Variants in UGT1A5 observed in about 807,000 individuals in gnomAD.
UGT1A5 encodes UDP-glucuronosyltransferase 1A5.
A neutral mutation model predicts 40.3 loss-of-function variants in UGT1A5; 29 were observed. That is an observed-to-expected ratio of 0.72 (90% CI 0.54 to 0.98). UGT1A5 has a LOEUF of 0.98. UGT1A5 is among the 50% of genes least tolerant of loss of function. The pLI, the probability that UGT1A5 is intolerant of heterozygous loss-of-function variation, is 0.00. For synonymous variants in UGT1A5, 257 were observed against 262.5 expected (o/e 0.98, Z 0.20); for missense variants, 678 against 677.9 (o/e 1.00, Z 0.00).
At chr2:233,737,925 G>A (rs1188589801) in intron 1 of UGT1A5, among the ~76,000 whole-genome samples, 1 of 152,078 alleles carries the variant, frequency 6.6e-6, no homozygotes, top group African/African-American at 2.4e-5. Context: ...AGTGTATTTA[G>A]TAGTGAGTCC....
intron 1 of UGT1A5, among the ~76,000 whole-genome samples, chr2:233,732,038 A>G (rs541263635): frequency 3.5e-4 from 54 of 152,356 alleles, no homozygotes; most frequent in African/African-American, 1.2e-3. Context: ...ATGACCAGTG[A>G]TGATGAGCAT....
intron 1 of UGT1A5, among the ~76,000 whole-genome samples, chr2:233,726,182 C>A (rs2077513267): frequency 6.6e-6 from 1 of 152,136 alleles, no homozygotes; most frequent in Admixed American, 6.6e-5. Flanking sequence ...ATAAAAATTT[C>A]TTTGGCATAT....
At chr2:233,718,630 C>G (rs2076669479) in intron 1 of UGT1A5, 1 of 1,443,994 alleles carries the variant, frequency 6.9e-7, no homozygotes, top group Non-Finnish European at 9.3e-7. Flanking sequence ...ATTGGTCTTT[C>G]CCAGGGTTGG....
chr2:233,760,737 G>A (rs561827445), intron 1 of UGT1A5: 10 of 1,614,138 alleles, frequency 6.2e-6, no homozygotes, highest in South Asian at 4.4e-5. Context: ...TCATGCTGAC[G>A]GACCCTTTCC....
intron 1 of UGT1A5, chr2:233,750,653 C>CT (rs915876685): frequency 6.6e-6 from 1 of 151,896 alleles, no homozygotes; most frequent in African/African-American, 2.4e-5. Flanking sequence ...AGCCTCAGGA[C>CT]TTGGTGCCCT....
chr2:233,719,024 C>T (rs2076714368), intron 1 of UGT1A5: 2 of 1,614,250 alleles, frequency 1.2e-6, no homozygotes, highest in Non-Finnish European at 8.5e-7. Context: ...TGAATATGCA[C>T]ATCAAAGAAG....
chr2:233,715,021 C>T (rs12477216), intron 1 of UGT1A5, among the ~76,000 whole-genome samples: 15,421 of 152,076 alleles, frequency 0.1, 899 homozygotes, highest in East Asian at 0.2. Context: ...GAACTACAGG[C>T]GCATGGCACC....
Position 233,769,730 on chromosome 2 carries a change from C to A in UGT1A5, c.1307+1291C>A. On this transcript the variant is annotated intron_variant, in intron 4 of 4. Transcript: ENST00000373414. The surrounding 1 kb of genome is among the most constrained non-coding windows in gnomAD (Gnocchi z 4.4). The stretch of plus-strand genomic sequence containing the variant: ...GTTGGCTAGGCACCATGGCACACGC[C>A]TGTAGTCCCAGCCACTCTGGAGGCT... The A allele has an allele frequency of 6.8e-7, 1 of 1,468,358 alleles. No homozygotes were observed. The highest frequency in any genetic ancestry group is 9.0e-7 in the Non-Finnish European group (1 of 1,108,860). 91.0% of individuals were successfully genotyped at this position (1,468,358 alleles called of 1,614,324 possible).
At chr2:233,741,668 T>C (rs1315003933) in intron 1 of UGT1A5, 1 of 151,924 alleles carries the variant, frequency 6.6e-6, no homozygotes, top group African/African-American at 2.4e-5. Context: ...GTTCCTGCTG[T>C]TTATTGCTTG....
chr2:233,752,600 T>A (rs1023436245), intron 1 of UGT1A5: 10 of 152,076 alleles, frequency 6.6e-5, no homozygotes, highest in Admixed American at 2.6e-4. Context: ...AGATTTTTTT[T>A]AAAAAAACAT....
intron 1 of UGT1A5, among the ~76,000 whole-genome samples, chr2:233,757,541 T>TATAC (rs1229454769): frequency 1.7e-5 from 2 of 117,592 alleles, no homozygotes; most frequent in Non-Finnish European, 3.6e-5. Flanking sequence ...AAGGAATATA[T>TATAC]ATATATATAT....
intron 1 of UGT1A5, chr2:233,743,783 C>T (rs781656153): frequency 2.2e-6 from 3 of 1,367,380 alleles, no homozygotes; most frequent in Non-Finnish European, 2.9e-6. Context: ...CTGCTTGAAT[C>T]TCCTCTCCGC....
chr2:233,745,880 T>G (rs1172718877), intron 1 of UGT1A5, among the ~76,000 whole-genome samples: 2 of 151,190 alleles, frequency 1.3e-5, no homozygotes, highest in Non-Finnish European at 2.9e-5. Context: ...TCCAGAAGTG[T>G]TGGTGGGGTG....
intron 1 of UGT1A5, among the ~76,000 whole-genome samples, chr2:233,751,757 T>C (rs763533308): frequency 6.6e-6 from 1 of 152,222 alleles, no homozygotes; most frequent in Non-Finnish European, 1.5e-5. Flanking sequence ...CTTGCTGCCA[T>C]GTGAGACATG....
intron 1 of UGT1A5, among the ~76,000 whole-genome samples, chr2:233,720,509 A>C (rs1440036500): frequency 1.3e-5 from 2 of 152,082 alleles, no homozygotes; most frequent in Admixed American, 6.6e-5. Flanking sequence ...TCTCAGGTGA[A>C]GCTGATCATA....
chr2:233,749,830 G>A (rs1694282037), intron 1 of UGT1A5, among the ~76,000 whole-genome samples: 1 of 151,888 alleles, frequency 6.6e-6, no homozygotes, highest in African/African-American at 2.4e-5. Flanking sequence ...TCTCTTTCAT[G>A]TAAGACGTGT....
chr2:233,761,077 T>A, intron 1 of UGT1A5: 1 of 1,614,202 alleles, frequency 6.2e-7, no homozygotes, highest in Non-Finnish European at 8.5e-7. Flanking sequence ...TGTGAAGGAT[T>A]ACCCTAGGCC....
chr2:233,738,126 G>C (rs1690706734), intron 1 of UGT1A5, among the ~76,000 whole-genome samples: 1 of 152,046 alleles, frequency 6.6e-6, no homozygotes, highest in Non-Finnish European at 1.5e-5. Flanking sequence ...TTTTATAAGG[G>C]GCCCTTATCC....
At chr2:233,714,881 T>G (rs1441745966) in intron 1 of UGT1A5, among the ~76,000 whole-genome samples, 1 of 150,308 alleles carries the variant, frequency 6.7e-6, no homozygotes, top group East Asian at 2.0e-4. Flanking sequence ...ATCTTTTAAA[T>G]TTTTCTATCT....
Sources: gnomAD v4.1 joint callset for allele counts (sites outside exome capture counted in the v4.1 genomes callset) on GRCh38, gnomAD v4.1.1 for gene constraint, Gnocchi (gnomAD v3.1) non-coding constraint, MANE v1.5 for transcripts, NCBI Gene and HGNC (gene_info 2026-07-23, HGNC 2026-07-21) for gene names.